The following APC variants were observed in gnomAD, a reference collection of about 807,000 sequenced individuals.
The protein encoded by APC is APC regulator of Wnt signaling pathway.
Under a neutral mutation model 247.0 loss-of-function variants are expected in APC, and 72 were observed. That is an observed-to-expected ratio of 0.29 (90% CI 0.24 to 0.35). The LOEUF (loss-of-function observed/expected upper bound fraction) is 0.35. Among genes scored for constraint, APC ranks in the 10% least tolerant of loss-of-function variants. APC has a pLI of 1.00. For synonymous variants in APC, 1,254 were observed against 1,162.5 expected (o/e 1.08, Z -1.60); for missense variants, 3,400 against 3,360.7 (o/e 1.01, Z -0.29).
intron 7 of APC, among the ~76,000 whole-genome samples, chr5:112,794,461 G>A (rs1759985614): frequency 6.6e-6 from 1 of 152,072 alleles, no homozygotes; most frequent in East Asian, 1.9e-4. Context: ...CCTCCAGTTG[G>A]GTTCAATTTT....
rs1580380433 is a variant in APC, at chr5:112,780,898, G to A, written c.640G>A (p.Ala214Thr). ...LGTCQDMEKR[A>T]QRRIARIQQI... Reference sequence around the variant, plus strand: ...TACCTGCCAGGATATGGAAAAACGAGCACAGGTAAGTTACTTGTTTCTAAG... The same window carrying A: ...TACCTGCCAGGATATGGAAAAACGAACACAGGTAAGTTACTTGTTTCTAAG... Residue 214 changes from alanine (A) to threonine (T), a missense_variant, in exon 6 of 16, where the codon GCA (alanine) becomes ACA (threonine). Physicochemically the swap from Ala to Thr is moderately conservative, Grantham distance 58 (BLOSUM62 0). This residue lies in a region of APC where 372 missense variants were observed against 367.6 expected (regional missense o/e 1.01). Coordinates refer to ENST00000257430, the MANE Select transcript of APC (RefSeq NM_000038.6). The A allele has an allele frequency of 6.3e-7, 1 of 1,598,482 alleles. No homozygotes were observed. The highest frequency in any genetic ancestry group is 8.6e-7 in the Non-Finnish European group (1 of 1,166,934).
At position 112,758,182 on chromosome 5, in the gene APC, T is replaced by C. The variant is rs188554647; in HGVS notation, c.135+3157T>C. 6.6e-5 allele frequency among the ~76,000 whole-genome samples: 10 copies of C among 152,284 alleles called. No individual in the cohort carries two copies. The East Asian group carries it at 1.4e-3, about 21-fold the overall frequency. On this transcript the variant is annotated intron_variant, in intron 2 of 15. Coordinates refer to ENST00000257430, the MANE Select transcript of APC (RefSeq NM_000038.6). ...GAAATTTTTTGTAATGAAAATAAAATAGAGATTACATGGAATTTAGATGAT... is the reference window on the plus strand; with the variant it reads ...GAAATTTTTTGTAATGAAAATAAAACAGAGATTACATGGAATTTAGATGAT...
At chr5:112,795,027 T>C (rs189424253) in intron 7 of APC, among the ~76,000 whole-genome samples, 5 of 152,210 alleles carry the variant, frequency 3.3e-5, no homozygotes, top group Middle Eastern at 3.4e-3. Context: ...CTTCATTGTT[T>C]TGTTTTTGTT....
At chr5:112,766,898 C>A (rs779747029) in intron 3 of APC, among the ~76,000 whole-genome samples, 1 of 152,140 alleles carries the variant, frequency 6.6e-6, no homozygotes, top group South Asian at 2.1e-4. Context: ...AGAGAAAGTG[C>A]TTGATAATAA....
At position 112,841,011 on chromosome 5, in the gene APC, C is replaced by A. The variant is rs1554086711; in HGVS notation, c.5417C>A (p.Ser1806Ter). 1 of 1,611,178 alleles carries A rather than the reference C, an allele frequency of 6.2e-7. No homozygotes were observed. Among genetic ancestry groups the A allele is most frequent in the South Asian group, 1.1e-5 (1 of 90,948 alleles). The change falls in exon 16 of 16, where the codon TCA becomes TAA. Residue 1806 changes from serine (S) to a stop codon, truncating the protein, a stop_gained. Coordinates refer to ENST00000257430, the MANE Select transcript of APC (RefSeq NM_000038.6). LOFTEE classifies it high-confidence loss of function. The surrounding 1 kb of genome is among the most constrained non-coding windows in gnomAD (Gnocchi z 4.6). Reference protein sequence around the residue: ...KNNLNAERVFSDNKDSKKQNL... With the variant: ...KNNLNAERVF ...AATTTAAATGCTGAGAGAGTTTTCTCAGACAACAAAGATTCAAAGAAACAG... is the reference window on the plus strand; with the variant it reads ...AATTTAAATGCTGAGAGAGTTTTCTAAGACAACAAAGATTCAAAGAAACAG...
At chr5:112,784,222 C>T (rs1479721086) in intron 6 of APC, among the ~76,000 whole-genome samples, 1 of 152,128 alleles carries the variant, frequency 6.6e-6, no homozygotes, top group African/African-American at 2.4e-5. Flanking sequence ...TGTGTGCCAC[C>T]ACGCCCAGCT....
chr5:112,793,723 G>A (rs1409472661), intron 7 of APC, among the ~76,000 whole-genome samples: 1 of 152,110 alleles, frequency 6.6e-6, no homozygotes, highest in Non-Finnish European at 1.5e-5. Flanking sequence ...CTGGAGACAG[G>A]AAATTAGAGA....
At chr5:112,827,370 A>G in intron 12 of APC, 123 bp downstream of exon 12, 2 of 1,129,520 alleles carry the variant, frequency 1.8e-6, no homozygotes, top group African/African-American at 3.1e-5. Flanking sequence ...ACTGATAAAA[A>G]CCTGTGCTTC....
rs2150002222 is a variant in APC, at chr5:112,843,860, ATAG to A, written c.8268_8270del (p.Ile2756_Val2757delinsMet). The A allele has an allele frequency of 4.3e-6, 7 of 1,614,068 alleles. No homozygotes were observed. The South Asian group carries it at 7.7e-5, about 18-fold the overall frequency. ...TGTATCAGAGACTAATGAAAGTTCT[ATAG>A]TGGAACGTACCCCATTCAGTTCTAG... is the stretch of plus-strand genomic sequence containing the variant. On this transcript the variant is annotated inframe_deletion, in exon 16 of 16. Transcript: ENST00000257430. The surrounding 1 kb of genome is among the most constrained non-coding windows in gnomAD (Gnocchi z 4.8).
intron 1 of APC, among the ~76,000 whole-genome samples, chr5:112,744,241 G>T (rs1743155054): frequency 6.6e-6 from 1 of 152,122 alleles, no homozygotes; most frequent in Admixed American, 6.6e-5. Context: ...GTACCTTGTG[G>T]ATAACAAGGC....
intron 2 of APC, among the ~76,000 whole-genome samples, chr5:112,764,930 T>G (rs1172609059): frequency 1.3e-5 from 2 of 152,196 alleles, no homozygotes; most frequent in African/African-American, 4.8e-5. Flanking sequence ...CTGAGCAAAT[T>G]TGTTTTCTAT....
At chr5:112,754,486 A>G (rs1754731772) in intron 1 of APC, among the ~76,000 whole-genome samples, 1 of 152,138 alleles carries the variant, frequency 6.6e-6, no homozygotes, top group Non-Finnish European at 1.5e-5. Flanking sequence ...ATTCAGAAAT[A>G]AAATAGTATT....
chr5:112,709,718 A>T (rs1750739360), intron 1 of APC, among the ~76,000 whole-genome samples: 1 of 152,120 alleles, frequency 6.6e-6, no homozygotes, highest in African/African-American at 2.4e-5. Context: ...CCTAGGCAAC[A>T]TGGCAAAGCC....
chr5:112,819,460 A>G (rs1476787712), intron 10 of APC, 116 bp downstream of exon 10: 9 of 1,343,688 alleles, frequency 6.7e-6, no homozygotes, highest in Non-Finnish European at 4.2e-6. Flanking sequence ...GAAAATTCAT[A>G]TCAGCCATTT....
intron 2 of APC, among the ~76,000 whole-genome samples, chr5:112,760,977 T>C (rs937421234): frequency 1.3e-5 from 2 of 152,068 alleles, no homozygotes; most frequent in African/African-American, 4.8e-5. Flanking sequence ...GCCTGGCTAA[T>C]TTTTTGTATT....
intron 6 of APC, among the ~76,000 whole-genome samples, chr5:112,785,061 C>G (rs749271689): frequency 1.3e-5 from 2 of 152,000 alleles, no homozygotes; most frequent in Admixed American, 6.6e-5. Flanking sequence ...AAGACCCTGT[C>G]TTGAAAAAGA....
At chr5:112,791,176 A>G (rs964021725) in intron 6 of APC, among the ~76,000 whole-genome samples, 4 of 151,992 alleles carry the variant, frequency 2.6e-5, no homozygotes, top group Non-Finnish European at 5.9e-5. Context: ...CACACACACA[A>G]TATATTCCCC....
rs748302469 is a variant in APC at position 112,838,097 on chromosome 5, T to C, written c.2503T>C (p.Ser835Pro). The C allele has an allele frequency of 1.9e-6, 3 of 1,614,218 alleles. No homozygotes were observed. In the Admixed American group the frequency reaches 5.0e-5, roughly 27 times the overall value. The part of the protein sequence containing the change: ...YLNTTVLPSS[S>P]SSRGSLDSSR... ...GAATACTACAGTGTTACCCAGCTCC[T>C]CTTCATCAAGAGGAAGCTTAGATAG... The change falls in exon 16 of 16, where the codon TCT (serine) becomes CCT (proline). Residue 835 changes from serine to proline, a missense_variant. Ser to Pro is a moderately conservative substitution (Grantham distance 74, BLOSUM62 -1). This residue lies in a region of APC where 715 missense variants were observed against 656.6 expected (regional missense o/e 1.09). Transcript: ENST00000257430.
At chr5:112,745,822 G>A (rs1004579984) in intron 1 of APC, among the ~76,000 whole-genome samples, 3 of 151,956 alleles carry the variant, frequency 2.0e-5, no homozygotes, top group African/African-American at 7.3e-5. Context: ...GCAAAGTATG[G>A]GGATTACACG....
Sources: gnomAD v4.1 joint callset for allele counts (sites outside exome capture counted in the v4.1 genomes callset) on GRCh38, gnomAD v4.1.1 for gene constraint, gnomAD v4.1.1 regional missense constraint, Gnocchi (gnomAD v3.1) non-coding constraint, MANE v1.5 for transcripts, NCBI Gene and HGNC (gene_info 2026-07-23, HGNC 2026-07-21) for gene names.